The following FOXP1 variants were observed in gnomAD, a reference collection of about 807,000 sequenced individuals.
FOXP1 encodes the protein forkhead box protein P1.
A neutral mutation model predicts 98.2 loss-of-function variants in FOXP1; 15 were observed. The ratio of observed to expected loss-of-function variants is 0.15; its 90% CI spans 0.10 to 0.24. FOXP1 has a LOEUF of 0.24. FOXP1 is among the 10% of genes least tolerant of loss of function. The pLI, the probability that FOXP1 is intolerant of heterozygous loss-of-function variation, is 1.00. For synonymous variants in FOXP1, 371 were observed against 314.5 expected, an observed-to-expected ratio of 1.18 and a Z score of -1.90; for missense variants, 633 against 848.5, an observed-to-expected ratio of 0.75 and a Z score of 3.15.
chr3:71,483,765 G>T (rs1007814585), intron 3 of FOXP1, among the ~76,000 whole-genome samples: 1 of 151,946 alleles, frequency 6.6e-6, no homozygotes, highest in Non-Finnish European at 1.5e-5. Context: ...GTTACAGGCA[G>T]AAATTAGACT....
intron 3 of FOXP1, among the ~76,000 whole-genome samples, chr3:71,432,052 T>TA (rs1425205186): frequency 6.6e-6 from 1 of 152,196 alleles, no homozygotes; most frequent in East Asian, 1.9e-4. Flanking sequence ...TTTGAAAACC[T>TA]ATTTATGGCA....
intron 5 of FOXP1, among the ~76,000 whole-genome samples, chr3:71,203,806 TTAGAG>T (rs1255537477): frequency 6.6e-6 from 1 of 152,104 alleles, no homozygotes; most frequent in African/African-American, 2.4e-5. Context: ...AGGAAAATTA[TTAGAG>T]TAATTACACA....
At chr3:71,449,564 T>C (rs2086749429) in intron 3 of FOXP1, among the ~76,000 whole-genome samples, 1 of 152,220 alleles carries the variant, frequency 6.6e-6, no homozygotes, top group Non-Finnish European at 1.5e-5. Flanking sequence ...AGGCAGCTCT[T>C]TGCAACTTTG....
At chr3:71,324,207 ATGT>A (rs1276925804) in intron 4 of FOXP1, among the ~76,000 whole-genome samples, 2 of 151,976 alleles carry the variant, frequency 1.3e-5, no homozygotes, top group East Asian at 3.8e-4. Context: ...AGACACACAC[ATGT>A]TGTTTAGTTC....
chr3:71,532,817 C>A (rs2043966031), intron 2 of FOXP1, among the ~76,000 whole-genome samples: 1 of 152,132 alleles, frequency 6.6e-6, no homozygotes, highest in South Asian at 2.1e-4. Context: ...TAAGTTTACA[C>A]TGGCCACTCC....
At chr3:71,126,737 T>C (rs2059208538) in intron 6 of FOXP1, among the ~76,000 whole-genome samples, 1 of 150,750 alleles carries the variant, frequency 6.6e-6, no homozygotes, top group Non-Finnish European at 1.5e-5. Flanking sequence ...TGCATGAGAA[T>C]CCCTTGAACC....
At chr3:71,421,545 C>A (rs896689757) in intron 3 of FOXP1, among the ~76,000 whole-genome samples, 1 of 152,028 alleles carries the variant, frequency 6.6e-6, no homozygotes. Flanking sequence ...AGGGCCATCT[C>A]CCCAGCGTAG....
At chr3:71,395,787 T>C (rs1465989433) in intron 3 of FOXP1, among the ~76,000 whole-genome samples, 1 of 152,090 alleles carries the variant, frequency 6.6e-6, no homozygotes, top group Non-Finnish European at 1.5e-5. Flanking sequence ...CCACATCATA[T>C]CGGTCTCCAA....
intron 13 of FOXP1, among the ~76,000 whole-genome samples, chr3:70,989,130 AAAC>A (rs2040218024): frequency 6.6e-6 from 1 of 152,208 alleles, no homozygotes; most frequent in Non-Finnish European, 1.5e-5. Context: ...CCAAATAAAA[AAAC>A]AAATATAGTT....
chr3:71,105,870 T>A (rs1178803500), intron 7 of FOXP1, among the ~76,000 whole-genome samples: 1 of 152,176 alleles, frequency 6.6e-6, no homozygotes, highest in East Asian at 1.9e-4. Context: ...ATATTTATAG[T>A]GGAACTGATT....
At chr3:71,477,781 A>T (rs1352225286) in intron 3 of FOXP1, among the ~76,000 whole-genome samples, 1 of 152,246 alleles carries the variant, frequency 6.6e-6, no homozygotes, top group Non-Finnish European at 1.5e-5. Context: ...GAATATTACA[A>T]GGTAATTTCT....
chr3:71,043,014 G>A (rs1036601461), intron 10 of FOXP1, among the ~76,000 whole-genome samples: 4 of 152,098 alleles, frequency 2.6e-5, no homozygotes, highest in Non-Finnish European at 5.9e-5. Context: ...ACCGTGGATC[G>A]TTTGCATATC....
At chr3:71,089,693 A>G (rs1002329465) in intron 7 of FOXP1, among the ~76,000 whole-genome samples, 1 of 152,202 alleles carries the variant, frequency 6.6e-6, no homozygotes, top group African/African-American at 2.4e-5. Flanking sequence ...TAATTTTCAC[A>G]AGGCAGCCAG....
chr3:71,381,990 T>C (rs998364707), intron 3 of FOXP1, among the ~76,000 whole-genome samples: 1 of 139,896 alleles, frequency 7.1e-6, no homozygotes, highest in Non-Finnish European at 1.5e-5. Context: ...TTTAAAAATA[T>C]GAAAACAGGC....
At chr3:70,984,271 C>T (rs1267926691) in intron 14 of FOXP1, among the ~76,000 whole-genome samples, 1 of 152,226 alleles carries the variant, frequency 6.6e-6, no homozygotes, top group African/African-American at 2.4e-5. Context: ...TCTTCCTCTA[C>T]ACTGATACTC....
chr3:71,331,892 G>C (rs572781779), intron 4 of FOXP1, among the ~76,000 whole-genome samples: 1 of 152,194 alleles, frequency 6.6e-6, no homozygotes, highest in Admixed American at 6.5e-5. Flanking sequence ...TAATCTAGTG[G>C]GGAGGTGGAG....
intron 14 of FOXP1, among the ~76,000 whole-genome samples, chr3:70,981,484 G>A (rs1332567254): frequency 6.6e-6 from 1 of 152,174 alleles, no homozygotes; most frequent in East Asian, 1.9e-4. Flanking sequence ...ATTAGGAGAC[G>A]CGGATGGAGG....
At chr3:71,145,664 T>C (rs960347084) in intron 6 of FOXP1, among the ~76,000 whole-genome samples, 1 of 152,240 alleles carries the variant, frequency 6.6e-6, no homozygotes, top group Admixed American at 6.5e-5. Flanking sequence ...TCACCCTCAC[T>C]TAGAATTACC....
chr3:71,334,161 A>G (rs1271733245), intron 4 of FOXP1: 7 of 152,210 alleles, frequency 4.6e-5, no homozygotes, highest in Non-Finnish European at 1.0e-4. Context: ...TTATCCCACC[A>G]CTTTGTGAGG....
Sources: allele counts gnomAD v4.1 joint callset (sites outside exome capture counted in the v4.1 genomes callset), GRCh38; gene constraint gnomAD v4.1.1; transcripts MANE v1.5; gene names NCBI Gene and HGNC (gene_info 2026-07-23, HGNC 2026-07-21).